The following MTTP variants were observed in gnomAD, a reference collection of about 807,000 sequenced individuals.
MTTP encodes microsomal triglyceride transfer protein, also known as microsomal triglyceride transfer protein large subunit.
MTTP carries 49 observed loss-of-function variants against 90.6 expected under a neutral mutation model. That is an observed-to-expected ratio of 0.54 (90% CI 0.43 to 0.69). The LOEUF is 0.69. MTTP is among the 30% of genes least tolerant of loss of function. The probability of loss-of-function intolerance (pLI) is 0.00; values close to 1 mark genes in which losing one functional copy is unlikely to be tolerated. For missense variants in MTTP, 945 were observed against 1,067.5 expected, an observed-to-expected ratio of 0.89 and a Z score of 1.60; for synonymous variants, 347 against 384.2, an observed-to-expected ratio of 0.90 and a Z score of 1.13.
At chr4:99,586,560 C>T (rs746485420) in intron 3 of MTTP, among the ~76,000 whole-genome samples, 1 of 152,088 alleles carries the variant, frequency 6.6e-6, no homozygotes, top group African/African-American at 2.4e-5. Flanking sequence ...CTTGAAAGTC[C>T]TTCTGAAATT....
upstream of MTTP, among the ~76,000 whole-genome samples, chr4:99,573,262 AC>A (rs1560611066): frequency 6.6e-6 from 1 of 152,166 alleles, no homozygotes; most frequent in Non-Finnish European, 1.5e-5. Context: ...AGTTCAAGTG[AC>A]TATAATGATT....
At chr4:99,611,963 T>TA (rs1167765602) in intron 14 of MTTP, among the ~76,000 whole-genome samples, 1 of 152,172 alleles carries the variant, frequency 6.6e-6, no homozygotes, top group African/African-American at 2.4e-5. Flanking sequence ...GAGAAAAGAA[T>TA]AAAATGTAGG....
At chr4:99,606,286 T>C (rs530512574) in intron 10 of MTTP, among the ~76,000 whole-genome samples, 2 of 152,292 alleles carry the variant, frequency 1.3e-5, no homozygotes, top group African/African-American at 4.8e-5. Context: ...TGGAATTAAG[T>C]GAAAACAAAC....
chr4:99,571,123 T>C (rs1345611615), upstream of MTTP, among the ~76,000 whole-genome samples: 3 of 151,976 alleles, frequency 2.0e-5, no homozygotes, highest in African/African-American at 7.2e-5. Flanking sequence ...CTCTATCCTC[T>C]ATATCTCTTG....
rs778799283 is a variant in MTTP at position 99,613,150 on chromosome 4, T to C, written c.2217+10T>C. 2 of 1,605,540 alleles carry C rather than the reference T, an allele frequency of 1.2e-6. No homozygotes were observed. Among genetic ancestry groups the C allele is most frequent in the Admixed American group, 1.7e-5 (1 of 59,372 alleles). ...AATAGATCATTCTCAGGTAATTCAT[T>C]CAGTCTGTGAGTATTTATTGAGTCC... On this transcript the variant is annotated intron_variant, in intron 15 of 17. Coordinates refer to ENST00000265517, the MANE Select transcript of MTTP (RefSeq NM_001386140.1).
rs770207576 is a variant in MTTP, at chr4:99,597,149, C to G, written c.992C>G (p.Ala331Gly). ...GCTGAGGCTGTCAGAAACTTCCTGG[C>G]CTTCATTCAGCACCTCAGGACTGCG... ...SKAEAVRNFLAFIQHLRTAKK... is the reference protein window; with the variant it reads ...SKAEAVRNFLGFIQHLRTAKK... The change falls in exon 8 of 18, where the codon GCC (alanine) becomes GGC (glycine). Residue 331 changes from alanine (A) to glycine (G), a missense_variant. By Grantham distance (60) the Ala-to-Gly change is moderately conservative. Coordinates refer to ENST00000265517, the MANE Select transcript of MTTP (RefSeq NM_001386140.1). 3 of 1,613,916 alleles carry G rather than the reference C, an allele frequency of 1.9e-6. No individual in the cohort carries two copies. The African/African-American group carries it at 4.0e-5, about 22-fold the overall frequency.
intron 14 of MTTP, 61 bp from the exon 15 acceptor site, chr4:99,612,852 A>C: frequency 6.8e-7 from 1 of 1,471,262 alleles, no homozygotes; most frequent in Non-Finnish European, 9.5e-7. Flanking sequence ...CAGAAGCTTC[A>C]CCATTATTTA....
intron 3 of MTTP, among the ~76,000 whole-genome samples, chr4:99,585,792 A>G (rs1477486491): frequency 6.6e-6 from 1 of 152,108 alleles, no homozygotes; most frequent in Non-Finnish European, 1.5e-5. Flanking sequence ...ATGATTTGCG[A>G]TGATTTACTG....
At position 99,608,970 on chromosome 4, in the gene MTTP, C is replaced by T. The variant is rs1412530315; in HGVS notation, c.1762C>T (p.Pro588Ser). 2 of 1,613,422 alleles carry T rather than the reference C, an allele frequency of 1.2e-6. No individual in the cohort carries two copies. The highest frequency in any genetic ancestry group is 3.3e-5 in the Admixed American group (2 of 60,016). ...TCAAGACATCCTACGTTTTGAAATG[C>T]CTGCAAGGTATAATACATTGCACAT... ...IVQDILRFEM[P>S]ASKIVRRVLK... Residue 588 changes from proline to serine, a missense_variant, in exon 12 of 18, where the codon CCT (proline) becomes TCT (serine). Coordinates refer to ENST00000265517, the MANE Select transcript of MTTP (RefSeq NM_001386140.1).
Position 99,580,574 on chromosome 4 carries a change from C to CAAAAAAAAAAAAAAAA in MTTP, c.62-1320_62-1305dup, listed in dbSNP as rs563138284. 1.9e-3 allele frequency among the ~76,000 whole-genome samples: 76 copies of CAAAAAAAAAAAAAAAA among 39,898 alleles called. 2 individuals carry two copies. The highest frequency in any genetic ancestry group is 7.0e-3 in the East Asian group (5 of 714). 26.2% of individuals were successfully genotyped at this position (39,898 alleles called of 152,430 possible). The stretch of plus-strand genomic sequence containing the variant: ...TGGCCGACAGAGTGAGACTCTGTCT[C>CAAAAAAAAAAAAAAAA]AAAAAAAAAAAAAAAAAAAAAAAAA... On this transcript the variant is annotated intron_variant, in intron 1 of 17. Coordinates refer to ENST00000265517, the MANE Select transcript of MTTP (RefSeq NM_001386140.1).
At chr4:99,591,076 T>C (rs1725405240) in intron 4 of MTTP, among the ~76,000 whole-genome samples, 159 bp from the exon 5 acceptor site, 1 of 152,190 alleles carries the variant, frequency 6.6e-6, no homozygotes. Flanking sequence ...ATCAATGAGC[T>C]ACCAGAAACC....
intron 12 of MTTP, among the ~76,000 whole-genome samples, 190 bp from the exon 13 acceptor site, chr4:99,610,953 T>C (rs969912241): frequency 1.3e-5 from 2 of 152,144 alleles, no homozygotes; most frequent in Non-Finnish European, 2.9e-5. Context: ...ATTTCAAATA[T>C]CTGAGTAATG....
intron 16 of MTTP, 166 bp from the exon 17 acceptor site, chr4:99,620,895 G>A (rs1726212720): frequency 1.5e-6 from 1 of 664,376 alleles, no homozygotes; most frequent in East Asian, 2.7e-5. Context: ...ACCAGGCCCT[G>A]GTTACCAGCA....
intron 15 of MTTP, among the ~76,000 whole-genome samples, chr4:99,617,795 C>G (rs1726134229): frequency 1.3e-5 from 2 of 152,108 alleles, no homozygotes; most frequent in Non-Finnish European, 2.9e-5. Context: ...ACAAAATTTG[C>G]TCAGGATGGG....
chr4:99,619,743 T>C (rs1662562775), intron 16 of MTTP, among the ~76,000 whole-genome samples: 1 of 152,214 alleles, frequency 6.6e-6, no homozygotes, highest in African/African-American at 2.4e-5. Flanking sequence ...AAGTGAGATA[T>C]GTGATAAAAT....
intron 5 of MTTP, 25 bp from the exon 6 acceptor site, chr4:99,591,626 T>C (rs1386728936): frequency 2.5e-6 from 4 of 1,605,128 alleles, no homozygotes; most frequent in Non-Finnish European, 3.4e-6. Context: ...TTACTTGTTA[T>C]AAAGATGGCT....
Position 99,606,632 on chromosome 4 carries a change from A to G in MTTP, c.1345-116A>G, listed in dbSNP as rs112492216. 1.0e-5 allele frequency: 10 copies of G among 995,654 alleles called. No homozygotes were observed. In the African/African-American group the frequency reaches 1.1e-4, roughly 11 times the overall value. The allele number at this position is 995,654 out of a possible 1,614,324, so 61.7% of individuals were successfully genotyped here. A position where few individuals can be genotyped will look rare whatever the true frequency, so the allele number is the denominator to read the frequency against. On this transcript the variant is annotated intron_variant, in intron 10 of 17. Coordinates refer to ENST00000265517, the MANE Select transcript of MTTP (RefSeq NM_001386140.1). The stretch of plus-strand genomic sequence containing the variant: ...ACTGTGTGCCTCAGTCAAGCAACCA[A>G]TGCAAAACTTTGTAAAACTGTAGGT...
At position 99,580,574 on chromosome 4, in the gene MTTP, CA is replaced by C. The variant is rs563138284; in HGVS notation, c.62-1305del. The stretch of plus-strand genomic sequence containing the variant: ...TGGCCGACAGAGTGAGACTCTGTCT[CA>C]AAAAAAAAAAAAAAAAAAAAAAAAA... On this transcript the variant is annotated intron_variant, in intron 1 of 17. Transcript: ENST00000265517. 9.9e-3 allele frequency among the ~76,000 whole-genome samples: 396 copies of C among 39,880 alleles called. 1 individual carries two copies. The highest frequency in any genetic ancestry group is 0.024 in the Middle Eastern group (1 of 42). The allele number at this position is 39,880 out of a possible 152,430, so 26.2% of individuals were successfully genotyped here. A position where few individuals can be genotyped will look rare whatever the true frequency, so the allele number is the denominator to read the frequency against.
chr4:99,583,145 C>T (rs1339523144), intron 2 of MTTP, among the ~76,000 whole-genome samples: 1 of 152,082 alleles, frequency 6.6e-6, no homozygotes, highest in Non-Finnish European at 1.5e-5. Context: ...CCTAAAGTCA[C>T]AGAGTTCTTT....
Sources: allele counts gnomAD v4.1 joint callset (sites outside exome capture counted in the v4.1 genomes callset), GRCh38; gene constraint gnomAD v4.1.1; transcripts MANE v1.5; gene names NCBI Gene and HGNC (gene_info 2026-07-23, HGNC 2026-07-21).